KLHL36: variants seen among roughly 807,000 people sequenced by gnomAD.
KLHL36 encodes kelch-like protein 36.
In KLHL36, 35 loss-of-function variants were observed where a neutral mutation model predicts 53.3. The observed-to-expected ratio is 0.66, with a 90% CI of 0.50 to 0.87. The LOEUF is 0.87. KLHL36 is among the 40% of genes least tolerant of loss of function. The pLI, the probability that KLHL36 is intolerant of heterozygous loss-of-function variation, is 0.00. For synonymous variants in KLHL36, 472 were observed against 398.9 expected, an observed-to-expected ratio of 1.18 and a Z score of -2.18; for missense variants, 864 against 897.6, an observed-to-expected ratio of 0.96 and a Z score of 0.48.
In KLHL36 at chr16:84,656,945, C is replaced by T. The variant is rs142338641; in HGVS notation, c.138C>T (p.Cys46=). The change falls in exon 3 of 5, where the codon TGC becomes TGT. Residue 46 remains cysteine (C), a synonymous_variant. Coordinates refer to ENST00000564996, the MANE Select transcript of KLHL36 (RefSeq NM_024731.4). Reference sequence around the variant, plus strand: ...AGCAGCGTCTCCGCGGGCTCTTCTGCGACGTCGTCCTGGTGGCCGATGAGC... The same window carrying T: ...AGCAGCGTCTCCGCGGGCTCTTCTGTGACGTCGTCCTGGTGGCCGATGAGC... ...LNEQRLRGLF[C]DVVLVADEQR... 2.1e-5 allele frequency: 34 copies of T among 1,613,646 alleles called. No individual in the cohort carries two copies. The South Asian group carries it at 2.5e-4, about 12-fold the overall frequency.
rs576469364 is a variant in KLHL36, at chr16:84,665,242, C to T, written c.*3109C>T. The T allele has an allele frequency of 1.1e-4, 12 of 113,740 alleles. No individual in the cohort carries two copies. Among genetic ancestry groups the T allele is most frequent in the African/African-American group, 4.3e-4 (12 of 27,976 alleles). The allele number at this position is 113,740 out of a possible 1,614,324, so 7.0% of individuals were successfully genotyped here. A position where few individuals can be genotyped will look rare whatever the true frequency, so the allele number is the denominator to read the frequency against. On this transcript the variant is annotated 3_prime_UTR_variant, in exon 5 of 5. Coordinates refer to ENST00000564996, the MANE Select transcript of KLHL36 (RefSeq NM_024731.4). The stretch of plus-strand genomic sequence containing the variant: ...TATTCTGCTTGAATTTTGAAGACAC[C>T]TGGATCTTTTTTTTTTTTTAACATT...
rs376017407 is a variant in KLHL36, at chr16:84,652,898, A to G, written c.63+1968A>G. 3.9e-5 allele frequency among the ~76,000 whole-genome samples: 6 copies of G among 152,058 alleles called. No individual in the cohort carries two copies. The South Asian group carries it at 1.2e-3, about 31-fold the overall frequency. On this transcript the variant is annotated intron_variant, in intron 2 of 4. Coordinates refer to ENST00000564996, the MANE Select transcript of KLHL36 (RefSeq NM_024731.4). ...TGGTGTCTTCCCACTGTGTGGCCAC[A>G]GTGTCTGTTCACCTGTCTGCCCTAA...
At chr16:84,649,446 T>TG (rs1194437516) in intron 1 of KLHL36, 1 of 152,350 alleles carries the variant, frequency 6.6e-6, no homozygotes, top group Admixed American at 6.5e-5. Context: ...CAACCCCCCC[T>TG]GGGGCACCCG....
At chr16:84,649,048 C>A (rs1906650388) in intron 1 of KLHL36, 2 of 152,210 alleles carry the variant, frequency 1.3e-5, no homozygotes, top group Admixed American at 1.3e-4. Context: ...TCAGCAGCGT[C>A]GCTTTCTCCA....
intron 4 of KLHL36, among the ~76,000 whole-genome samples, chr16:84,660,887 G>A (rs1227816555): frequency 6.6e-6 from 1 of 152,166 alleles, no homozygotes; most frequent in Non-Finnish European, 1.5e-5. Context: ...CTCACAAAGT[G>A]CTGGGATTAC....
At chr16:84,653,350 T>G (rs1907012160) in intron 2 of KLHL36, among the ~76,000 whole-genome samples, 1 of 152,196 alleles carries the variant, frequency 6.6e-6, no homozygotes, top group African/African-American at 2.4e-5. Context: ...TGCATCTGAT[T>G]AAGGCACTGA....
chr16:84,663,873 C>T lies in KLHL36; in HGVS notation c.*1740C>T, dbSNP rs1228764416. The stretch of plus-strand genomic sequence containing the variant: ...GGGGACTGAAAGCTTCAATAGCCAA[C>T]TTACTGCCCTCTGTGGTTAGTGAGG... On this transcript the variant is annotated 3_prime_UTR_variant, in exon 5 of 5. Coordinates refer to ENST00000564996, the MANE Select transcript of KLHL36 (RefSeq NM_024731.4). 1 of 152,200 alleles carries T rather than the reference C, an allele frequency of 6.6e-6. No individual in the cohort carries two copies. Among genetic ancestry groups the T allele is most frequent in the Non-Finnish European group, 1.5e-5 (1 of 68,046 alleles). 9.4% of individuals were successfully genotyped at this position (152,200 alleles called of 1,614,324 possible).
chr16:84,656,249 T>C (rs750982470), intron 2 of KLHL36, among the ~76,000 whole-genome samples: 1 of 150,380 alleles, frequency 6.6e-6, no homozygotes, highest in Non-Finnish European at 1.5e-5. Context: ...TTGTTTTTTC[T>C]TGTTTGTTTT....
chr16:84,661,549 C>T lies in KLHL36; in HGVS notation c.1296-29C>T. ...TAAGCCTGGCACAGCCCTGAGCTCT[C>T]CCTCTGTCTCTGCCCGTCGACCCTG... On this transcript the variant is annotated intron_variant, in intron 4 of 4. Coordinates refer to ENST00000564996, the MANE Select transcript of KLHL36 (RefSeq NM_024731.4). The surrounding 1 kb of genome is among the most constrained non-coding windows in gnomAD (Gnocchi z 7.9). The T allele has an allele frequency of 6.4e-7, 1 of 1,550,506 alleles. No homozygotes were observed. Among genetic ancestry groups the T allele is most frequent in the South Asian group, 1.2e-5 (1 of 82,180 alleles).
chr16:84,657,208 T>C lies in KLHL36; in HGVS notation c.401T>C (p.Phe134Ser). The C allele has an allele frequency of 6.2e-7, 1 of 1,614,162 alleles. No homozygotes were observed. Among genetic ancestry groups the C allele is most frequent in the Non-Finnish European group, 8.5e-7 (1 of 1,180,032 alleles). ...CTGCAGATCTGGACGGTGGTAGACT[T>C]CTGCTGTGAGTACCTGGAGCAGGAG... ...HLLQIWTVVDFCCEYLEQEVS... is the reference protein window; with the variant it reads ...HLLQIWTVVDSCCEYLEQEVS... Residue 134 changes from phenylalanine (F) to serine (S), a missense_variant, in exon 3 of 5, where the codon TTC (phenylalanine) becomes TCC (serine). Physicochemically the swap from Phe to Ser is radical, Grantham distance 155. Transcript: ENST00000564996.
Position 84,662,569 on chromosome 16 carries a change from T to C in KLHL36, c.*436T>C, listed in dbSNP as rs138755752. Reference sequence around the variant, plus strand: ...GATGCGTGAGCCCCGCTCAGAATTATGGAATCCAAAACCACCAGGAACGGG... The same window carrying C: ...GATGCGTGAGCCCCGCTCAGAATTACGGAATCCAAAACCACCAGGAACGGG... On this transcript the variant is annotated 3_prime_UTR_variant, in exon 5 of 5. Transcript: ENST00000564996. 7.5e-3 allele frequency: 1,173 copies of C among 155,900 alleles called. 20 individuals carry two copies. The highest frequency in any genetic ancestry group is 0.054 in the South Asian group (267 of 4,940). 9.7% of individuals were successfully genotyped at this position (155,900 alleles called of 1,614,324 possible).
chr16:84,665,239 C>T lies in KLHL36; in HGVS notation c.*3106C>T, dbSNP rs958156773. ...AGCTATTCTGCTTGAATTTTGAAGACACCTGGATCTTTTTTTTTTTTTAAC... is the reference window on the plus strand; with the variant it reads ...AGCTATTCTGCTTGAATTTTGAAGATACCTGGATCTTTTTTTTTTTTTAAC... On this transcript the variant is annotated 3_prime_UTR_variant, in exon 5 of 5. Transcript: ENST00000564996. 2 of 129,476 alleles carry T rather than the reference C, an allele frequency of 1.5e-5. No individual in the cohort carries two copies. The highest frequency in any genetic ancestry group is 3.3e-5 in the Non-Finnish European group (2 of 61,036). The allele number at this position is 129,476 out of a possible 1,614,324, so 8.0% of individuals were successfully genotyped here.
rs994880855 is a variant in KLHL36 at position 84,662,751 on chromosome 16, C to A, written c.*618C>A. ...TGAGTGAGTGAGTGACCAGGGGCCA[C>A]GCAGCTCGCTAGACTGTCAGATGAG... On this transcript the variant is annotated 3_prime_UTR_variant, in exon 5 of 5. Transcript: ENST00000564996. 6.6e-6 allele frequency: 1 copy of A among 152,228 alleles called. No homozygotes were observed. Among genetic ancestry groups the A allele is most frequent in the Non-Finnish European group, 1.5e-5 (1 of 68,072 alleles). 9.4% of individuals were successfully genotyped at this position (152,228 alleles called of 1,614,324 possible). A position where few individuals can be genotyped will look rare whatever the true frequency, so the allele number is the denominator to read the frequency against.
chr16:84,656,408 TA>T (rs143403734), intron 2 of KLHL36, among the ~76,000 whole-genome samples: 3,764 of 151,398 alleles, frequency 0.025, 75 homozygotes, highest in Middle Eastern at 0.054. Context: ...TAGCTAGGAT[TA>T]CAGGCACACG....
chr16:84,657,686 C>T lies in KLHL36; in HGVS notation c.879C>T (p.Asn293=), dbSNP rs1333131590. Residue 293 remains asparagine (N), a synonymous_variant, in exon 3 of 5, where the codon AAC becomes AAT. Transcript: ENST00000564996. ...MQTKRTALRT[N]QERLLFVGGE... ...CCAAGCGCACGGCGCTGCGCACCAACCAGGAGCGCCTGCTGTTTGTGGGCG... is the reference window on the plus strand; with the variant it reads ...CCAAGCGCACGGCGCTGCGCACCAATCAGGAGCGCCTGCTGTTTGTGGGCG... 1.2e-6 allele frequency: 2 copies of T among 1,612,744 alleles called. No homozygotes were observed. The highest frequency in any genetic ancestry group is 2.2e-5 in the East Asian group (1 of 44,874).
At chr16:84,658,569 A>C (rs1907360752) in intron 3 of KLHL36, 1 of 152,056 alleles carries the variant, frequency 6.6e-6, no homozygotes, top group South Asian at 2.1e-4. Flanking sequence ...AGCCTGGCTA[A>C]GTCATAGCTA....
At chr16:84,653,456 A>G (rs1907018907) in intron 2 of KLHL36, among the ~76,000 whole-genome samples, 2 of 152,064 alleles carry the variant, frequency 1.3e-5, no homozygotes, top group Non-Finnish European at 2.9e-5. Flanking sequence ...TCTGTTACCA[A>G]TGTCCCTTTA....
chr16:84,667,051 G>C lies in KLHL36; in HGVS notation c.*4918G>C, dbSNP rs1907876236. On this transcript the variant is annotated 3_prime_UTR_variant, in exon 5 of 5. Coordinates refer to ENST00000564996, the MANE Select transcript of KLHL36 (RefSeq NM_024731.4). ...CACTCCAGCCTGGGTGACCGAGTAAGACTGTCTCAAAAAAAAAAAAAAAAA... is the reference window on the plus strand; with the variant it reads ...CACTCCAGCCTGGGTGACCGAGTAACACTGTCTCAAAAAAAAAAAAAAAAA... 1.1e-5 allele frequency: 1 copy of C among 87,836 alleles called. No homozygotes were observed. Among genetic ancestry groups the C allele is most frequent in the African/African-American group, 5.1e-5 (1 of 19,564 alleles). 5.4% of individuals were successfully genotyped at this position (87,836 alleles called of 1,614,324 possible).
intron 2 of KLHL36, among the ~76,000 whole-genome samples, chr16:84,656,091 G>A (rs1442022560): frequency 3.3e-5 from 5 of 151,848 alleles, no homozygotes; most frequent in Non-Finnish European, 5.9e-5. Flanking sequence ...CAGGAATCTC[G>A]CTATGTTGCC....
Sources: gnomAD v4.1 joint callset for allele counts (sites outside exome capture counted in the v4.1 genomes callset) on GRCh38, gnomAD v4.1.1 for gene constraint, Gnocchi (gnomAD v3.1) non-coding constraint, MANE v1.5 for transcripts, NCBI Gene and HGNC (gene_info 2026-07-23, HGNC 2026-07-21) for gene names.